The following SORCS3 variants were observed in gnomAD, a reference collection of about 807,000 sequenced individuals.
The protein encoded by SORCS3 is sortilin related VPS10 domain containing receptor 3.
A neutral mutation model predicts 146.3 loss-of-function variants in SORCS3; 57 were observed. That is an observed-to-expected ratio of 0.39 (90% CI 0.31 to 0.49). SORCS3 has a LOEUF of 0.49. SORCS3 is among the 20% of genes least tolerant of loss of function. The pLI is 0.92. For missense variants in SORCS3, 1,341 were observed against 1,575.5 expected, an observed-to-expected ratio of 0.85 and a Z score of 2.52; for synonymous variants, 653 against 618.5, an observed-to-expected ratio of 1.06 and a Z score of -0.83.
intron 2 of SORCS3, among the ~76,000 whole-genome samples, chr10:104,884,729 A>G (rs948037606): frequency 1.0e-4 from 15 of 149,954 alleles, no homozygotes; most frequent in African/African-American, 3.4e-4. Flanking sequence ...GGTTCAAGGG[A>G]AAAAAAAAGA....
chr10:104,993,201 A>T (rs1171469879), intron 4 of SORCS3, among the ~76,000 whole-genome samples: 1 of 152,194 alleles, frequency 6.6e-6, no homozygotes, highest in Non-Finnish European at 1.5e-5. Flanking sequence ...CTGACAAAGG[A>T]GATGCTTGTT....
intron 1 of SORCS3, among the ~76,000 whole-genome samples, chr10:104,798,645 A>G (rs1018572003): frequency 6.6e-6 from 1 of 152,192 alleles, no homozygotes; most frequent in Non-Finnish European, 1.5e-5. Context: ...GTATCCACTC[A>G]CCATATAATC....
intron 20 of SORCS3, among the ~76,000 whole-genome samples, chr10:105,243,154 C>G (rs1223634871): frequency 6.8e-6 from 1 of 148,060 alleles, no homozygotes; most frequent in African/African-American, 2.5e-5. Flanking sequence ...GGTAATGAAC[C>G]AATTGAAGGT....
At chr10:105,222,974 C>A in intron 19 of SORCS3, 142 bp from the exon 20 acceptor site, 2 of 820,042 alleles carry the variant, frequency 2.4e-6, no homozygotes, top group Non-Finnish European at 3.6e-6. Flanking sequence ...CGTGTATACA[C>A]ACCTCCCAAT....
intron 3 of SORCS3, among the ~76,000 whole-genome samples, chr10:104,945,736 C>T (rs773226196): frequency 6.6e-6 from 1 of 151,820 alleles, no homozygotes; most frequent in African/African-American, 2.4e-5. Context: ...CTCAATTCAC[C>T]GGGATACACT....
At chr10:104,915,778 T>C in intron 2 of SORCS3, 55 bp from the exon 3 acceptor site, 1 of 1,483,710 alleles carries the variant, frequency 6.7e-7, no homozygotes, top group South Asian at 1.1e-5. Context: ...CCTTTAGACA[T>C]AGCTGCCCAT....
In SORCS3 at chr10:105,252,834, A is replaced by G. The variant is rs555191304; in HGVS notation, c.3165A>G (p.Ser1055=). 6 of 1,614,122 alleles carry G rather than the reference A, an allele frequency of 3.7e-6. No individual in the cohort carries two copies. Among genetic ancestry groups the G allele is most frequent in the South Asian group, 1.1e-5 (1 of 91,062 alleles). The change falls in exon 23 of 27, where the codon TCA becomes TCG. Residue 1055 remains serine, a synonymous_variant. Transcript: ENST00000369701. ...CCGTGTTTCCTGGTCTCCCCACTTC[A>G]GCAGAGCTTTTCATTCTTCCACCCA... ...LIAVFPGLPT[S]AELFILPPKN...
intron 4 of SORCS3, among the ~76,000 whole-genome samples, chr10:104,981,299 G>T (rs2054930276): frequency 6.6e-6 from 1 of 152,008 alleles, no homozygotes; most frequent in South Asian, 2.1e-4. Flanking sequence ...TTCATTCTTG[G>T]GTATCTTTGT....
intron 3 of SORCS3, among the ~76,000 whole-genome samples, chr10:104,944,841 T>C (rs763803891): frequency 2.0e-5 from 3 of 152,168 alleles, no homozygotes; most frequent in Non-Finnish European, 4.4e-5. Flanking sequence ...AATTGTACTC[T>C]TAGGTATAAT....
At chr10:105,019,111 A>C (rs1000785036) in intron 4 of SORCS3, among the ~76,000 whole-genome samples, 1 of 152,148 alleles carries the variant, frequency 6.6e-6, no homozygotes, top group Non-Finnish European at 1.5e-5. Flanking sequence ...CTAATTCTTC[A>C]GATGTCCCTC....
At chr10:104,898,037 C>CT (rs1252845121) in intron 2 of SORCS3, among the ~76,000 whole-genome samples, 1 of 152,168 alleles carries the variant, frequency 6.6e-6, no homozygotes, top group Non-Finnish European at 1.5e-5. Flanking sequence ...TTTGTGGTGG[C>CT]TTCTCTGTAA....
At chr10:104,713,527 C>A (rs954143569) in intron 1 of SORCS3, among the ~76,000 whole-genome samples, 1 of 152,152 alleles carries the variant, frequency 6.6e-6, no homozygotes, top group Non-Finnish European at 1.5e-5. Flanking sequence ...TTTGTCAAGT[C>A]CTTTTCCCAC....
At chr10:104,886,298 C>A (rs2018683230) in intron 2 of SORCS3, among the ~76,000 whole-genome samples, 1 of 152,072 alleles carries the variant, frequency 6.6e-6, no homozygotes, top group South Asian at 2.1e-4. Flanking sequence ...CTCTTAGTAG[C>A]CTTTCTAAAA....
At chr10:105,048,103 A>G (rs1010926425) in intron 5 of SORCS3, among the ~76,000 whole-genome samples, 1 of 151,878 alleles carries the variant, frequency 6.6e-6, no homozygotes, top group Non-Finnish European at 1.5e-5. Flanking sequence ...AAACTAGTTC[A>G]ACCATTGTGG....
intron 1 of SORCS3, among the ~76,000 whole-genome samples, chr10:104,697,686 A>G (rs2016232773): frequency 6.6e-6 from 1 of 152,126 alleles, no homozygotes; most frequent in Non-Finnish European, 1.5e-5. Flanking sequence ...AGCCTGTTAA[A>G]ATGTTCACAG....
intron 13 of SORCS3, among the ~76,000 whole-genome samples, chr10:105,170,641 C>A (rs1253797595): frequency 1.3e-5 from 2 of 152,176 alleles, no homozygotes; most frequent in African/African-American, 2.4e-5. Flanking sequence ...TTTTTGCTTA[C>A]TTGCCTTTCT....
Position 105,255,812 on chromosome 10 carries a change from C to A in SORCS3, c.3337+11C>A. 1 of 1,586,998 alleles carries A rather than the reference C, an allele frequency of 6.3e-7. No homozygotes were observed. The highest frequency in any genetic ancestry group is 1.1e-5 in the South Asian group (1 of 89,606). ...CACAGCTGACGTTAGGTGAGTGCCACTGGGAACTGGGGAAATGGGAAAGAG... is the reference window on the plus strand; with the variant it reads ...CACAGCTGACGTTAGGTGAGTGCCAATGGGAACTGGGGAAATGGGAAAGAG... On this transcript the variant is annotated intron_variant, in intron 24 of 26. Transcript: ENST00000369701.
chr10:105,043,346 G>A (rs556255558), intron 5 of SORCS3, among the ~76,000 whole-genome samples: 214 of 152,160 alleles, frequency 1.4e-3, no homozygotes, highest in Non-Finnish European at 2.7e-3. Flanking sequence ...ACTGGGATTT[G>A]CATTTAACAT....
At chr10:104,975,868 C>T (rs1231339292) in intron 3 of SORCS3, among the ~76,000 whole-genome samples, 1 of 152,212 alleles carries the variant, frequency 6.6e-6, no homozygotes, top group Non-Finnish European at 1.5e-5. Flanking sequence ...ATGTAGAAAG[C>T]TGAAACTGGA....
Sources: allele counts gnomAD v4.1 joint callset (sites outside exome capture counted in the v4.1 genomes callset), GRCh38; gene constraint gnomAD v4.1.1; transcripts MANE v1.5; gene names NCBI Gene and HGNC (gene_info 2026-07-23, HGNC 2026-07-21).